Variants in KDM2B observed in about 807,000 individuals in gnomAD.
KDM2B encodes lysine demethylase 2B.
Under a neutral mutation model 150.0 loss-of-function variants are expected in KDM2B, and 26 were observed. That is an observed-to-expected ratio of 0.17 (90% confidence interval 0.13 to 0.24). KDM2B has a LOEUF of 0.24. Among genes scored for constraint, KDM2B ranks in the 10% least tolerant of loss-of-function variants. The pLI, the probability that KDM2B is intolerant of heterozygous loss-of-function variation, is 1.00. For missense variants in KDM2B, 1,265 were observed against 1,816.9 expected, an observed-to-expected ratio of 0.70 and a Z score of 5.52; for synonymous variants, 734 against 729.5, an observed-to-expected ratio of 1.01 and a Z score of -0.10.
At chr12:121,465,394 G>A (rs557322945) in intron 12 of KDM2B, among the ~76,000 whole-genome samples, 1 of 152,124 alleles carries the variant, frequency 6.6e-6, no homozygotes, top group East Asian at 1.9e-4. Context: ...CCACCACGCC[G>A]GGCTCACTTT....
rs184782084 is a variant in KDM2B, at chr12:121,533,971, T to C, written c.777+526A>G. 1.8e-4 allele frequency among the ~76,000 whole-genome samples: 27 copies of C among 151,550 alleles called. 1 individual carries two copies. The highest frequency in any genetic ancestry group is 3.4e-3 in the Middle Eastern group (1 of 294). Reference sequence around the variant, plus strand: ...GGGAAGATCGCTTGAGCCCAGGAGGTGGAGGCTACAGCGAGCTGTGATTTC... The same window carrying C: ...GGGAAGATCGCTTGAGCCCAGGAGGCGGAGGCTACAGCGAGCTGTGATTTC... On this transcript the variant is annotated intron_variant, in intron 7 of 22. Transcript: ENST00000377071. The surrounding 1 kb of genome is among the most constrained non-coding windows in gnomAD (Gnocchi z 4.1).
At chr12:121,417,362 T>A in the KDM2B span, 1 of 693,624 alleles carries the variant, frequency 1.4e-6, no homozygotes, top group South Asian at 2.0e-5. The surrounding 1 kb of genome is among the most constrained non-coding windows in gnomAD (Gnocchi z 5.0). Flanking sequence ...TTTTGAAACA[T>A]GAAAATACCT....
intron 12 of KDM2B, among the ~76,000 whole-genome samples, chr12:121,457,739 TAC>T (rs138823282): frequency 0.084 from 12,138 of 144,828 alleles, 985 homozygotes; most frequent in African/African-American, 0.21. Context: ...ATCGGAAACA[TAC>T]ACACACACAC....
At chr12:121,445,165 G>A in intron 14 of KDM2B, 110 bp downstream of exon 14, 2 of 1,308,870 alleles carry the variant, frequency 1.5e-6, no homozygotes, top group Non-Finnish European at 2.1e-6. Flanking sequence ...AGACTCAGGG[G>A]TCCTCCAGGA....
intron 12 of KDM2B, among the ~76,000 whole-genome samples, chr12:121,466,577 G>A (rs1234517286): frequency 6.6e-6 from 1 of 151,602 alleles, no homozygotes; most frequent in Non-Finnish European, 1.5e-5. Context: ...GCGCCGGCCC[G>A]CGGCTCGCAC....
At chr12:121,545,060 C>T (rs1384495734) in intron 6 of KDM2B, among the ~76,000 whole-genome samples, 1 of 152,198 alleles carries the variant, frequency 6.6e-6, no homozygotes, top group South Asian at 2.1e-4. Context: ...GCCATCTCTA[C>T]CCTCCAGGGC....
At chr12:121,473,129 G>A (rs782615611) in intron 12 of KDM2B, among the ~76,000 whole-genome samples, 8 of 152,130 alleles carry the variant, frequency 5.3e-5, no homozygotes, top group Non-Finnish European at 8.8e-5. Flanking sequence ...AGTGGCTCAC[G>A]CCTGTAATCC....
chr12:121,567,017 G>C (rs1890751356), intron 4 of KDM2B, among the ~76,000 whole-genome samples: 1 of 151,868 alleles, frequency 6.6e-6, no homozygotes, highest in Non-Finnish European at 1.5e-5. Flanking sequence ...GAGTAGCTGG[G>C]ATTACAGGTG....
intron 12 of KDM2B, among the ~76,000 whole-genome samples, chr12:121,460,762 CTTT>C (rs1281115884): frequency 6.6e-6 from 1 of 152,016 alleles, no homozygotes; most frequent in Admixed American, 6.6e-5. Context: ...TATCAACAAT[CTTT>C]TTTGTTTTTC....
chr12:121,554,032 TCCACAC>T (rs1889709400), intron 4 of KDM2B, among the ~76,000 whole-genome samples: 2 of 76,500 alleles, frequency 2.6e-5, no homozygotes, highest in South Asian at 4.3e-4. Flanking sequence ...ACACCCCAGC[TCCACAC>T]ACACACACAC....
intron 4 of KDM2B, among the ~76,000 whole-genome samples, chr12:121,562,899 T>C (rs1450052889): frequency 6.6e-6 from 1 of 152,112 alleles, no homozygotes; most frequent in African/African-American, 2.4e-5. Context: ...CGATAAAAGA[T>C]AGGTGATTAT....
chr12:121,489,847 G>A (rs1163984514), intron 12 of KDM2B, among the ~76,000 whole-genome samples: 1 of 152,192 alleles, frequency 6.6e-6, no homozygotes, highest in African/African-American at 2.4e-5. Context: ...AGTCCCCCAG[G>A]TGAAGCTGAT....
intron 2 of KDM2B, among the ~76,000 whole-genome samples, chr12:121,578,528 C>T (rs1398867401): frequency 4.6e-5 from 7 of 152,064 alleles, no homozygotes; most frequent in Non-Finnish European, 1.0e-4. Context: ...CTGTCCATCT[C>T]CAGGTCCCTC....
rs782594036 is a variant in KDM2B at position 121,549,000 on chromosome 12, T to TGTGAGCA, written c.577-24_577-18dup. The TGTGAGCA allele has an allele frequency of 3.8e-6, 6 of 1,588,784 alleles. No individual in the cohort carries two copies. The African/African-American group carries it at 5.4e-5, about 14-fold the overall frequency. ...CAGGTCTACCTGAAAGCCAGACCAG[T>TGTGAGCA]GTGAGCACTGCATTTCTCCACTGCC... On this transcript the variant is annotated splice_polypyrimidine_tract_variant and intron_variant, in intron 5 of 22. Coordinates refer to ENST00000377071, the MANE Select transcript of KDM2B (RefSeq NM_032590.5).
At chr12:121,419,756 C>G in the KDM2B span, 3 of 153,138 alleles carry the variant, frequency 2.0e-5, no homozygotes, top group Non-Finnish European at 4.4e-5. Context: ...TCAGTGAAGT[C>G]TAGAAAGCCT....
Position 121,509,559 on chromosome 12 carries a change from C to T in KDM2B, c.1647+8G>A, listed in dbSNP as rs782731221. On this transcript the variant is annotated splice_region_variant and intron_variant, in intron 11 of 22. Coordinates refer to ENST00000377071, the MANE Select transcript of KDM2B (RefSeq NM_032590.5). The stretch of plus-strand genomic sequence containing the variant: ...GGCCGCCCAGCCCCAGACGCCACTC[C>T]TGCCCACCTTCACACCCTCCAGGAG... 11 of 1,610,782 alleles carry T rather than the reference C, an allele frequency of 6.8e-6. 1 individual carries two copies. In the South Asian group the frequency reaches 1.1e-4, roughly 16 times the overall value.
intron 14 of KDM2B, 93 bp downstream of exon 14, chr12:121,445,182 T>G: frequency 6.9e-7 from 1 of 1,459,350 alleles, no homozygotes; most frequent in Non-Finnish European, 9.3e-7. Flanking sequence ...AGGAATTCAC[T>G]GCACGACCTG....
At position 121,580,920 on chromosome 12, in the gene KDM2B, G is replaced by A; in HGVS notation, c.-9C>T. 6.2e-7 allele frequency: 1 copy of A among 1,612,730 alleles called. No individual in the cohort carries two copies. The highest frequency in any genetic ancestry group is 8.5e-7 in the Non-Finnish European group (1 of 1,179,564). ...ATTTGCGGACCCGCCATGTGGAGGAGGCATTTGGGGGGCTCAGAAGGAAAT... is the reference window on the plus strand; with the variant it reads ...ATTTGCGGACCCGCCATGTGGAGGAAGCATTTGGGGGGCTCAGAAGGAAAT... On this transcript the variant is annotated 5_prime_UTR_variant, in exon 1 of 23. Coordinates refer to ENST00000377071, the MANE Select transcript of KDM2B (RefSeq NM_032590.5).
chr12:121,524,721 G>A (rs1555306514), intron 8 of KDM2B: 1 of 453,640 alleles, frequency 2.2e-6, no homozygotes, highest in Non-Finnish European at 4.4e-6. Context: ...ATGAGAGCCG[G>A]TGCTCCCAGG....
Sources: allele counts gnomAD v4.1 joint callset (sites outside exome capture counted in the v4.1 genomes callset), GRCh38; gene constraint gnomAD v4.1.1; non-coding constraint Gnocchi (gnomAD v3.1); transcripts MANE v1.5; gene names NCBI Gene and HGNC (gene_info 2026-07-23, HGNC 2026-07-21).